Variants in GLDC observed in about 807,000 individuals in gnomAD.
GLDC encodes the protein glycine decarboxylase.
GLDC carries 104 observed loss-of-function variants against 121.3 expected under a neutral mutation model. The observed-to-expected ratio is 0.86, with a 90% CI of 0.73 to 1.01. GLDC has a LOEUF of 1.01. Among genes scored for constraint, GLDC ranks in the 50% least tolerant of loss-of-function variants. The pLI, the probability that GLDC is intolerant of heterozygous loss-of-function variation, is 0.00. For missense variants in GLDC, 1,429 were observed against 1,306.6 expected, an observed-to-expected ratio of 1.09 and a Z score of -1.44; for synonymous variants, 546 against 480.6, an observed-to-expected ratio of 1.14 and a Z score of -1.78.
At chr9:6,624,625 T>C (rs911629602) in intron 2 of GLDC, among the ~76,000 whole-genome samples, 4 of 152,116 alleles carry the variant, frequency 2.6e-5, no homozygotes, top group African/African-American at 9.7e-5. Context: ...GGAAACTAAT[T>C]AAAAAAACTG....
intron 2 of GLDC, among the ~76,000 whole-genome samples, chr9:6,628,821 A>G (rs1484086115): frequency 1.3e-5 from 2 of 152,190 alleles, no homozygotes; most frequent in Non-Finnish European, 2.9e-5. Flanking sequence ...GCAGCTGTGC[A>G]TTATTTTGCA....
chr9:6,620,435 T>C, intron 2 of GLDC, 116 bp from the exon 3 acceptor site: 2 of 903,790 alleles, frequency 2.2e-6, no homozygotes, highest in Non-Finnish European at 3.6e-6. Flanking sequence ...ATATGGAAAA[T>C]GTAAGAGTCA....
At chr9:6,644,537 G>T in intron 2 of GLDC, 77 bp downstream of exon 2, 1 of 974,858 alleles carries the variant, frequency 1.0e-6, no homozygotes, top group Non-Finnish European at 1.7e-6. Flanking sequence ...TTACCCCAGA[G>T]CTCGATTTTC....
chr9:6,574,422 A>T (rs568685880), intron 15 of GLDC, among the ~76,000 whole-genome samples: 173 of 151,566 alleles, frequency 1.1e-3, no homozygotes, highest in African/African-American at 3.8e-3. Context: ...AGCTGAGATT[A>T]TGCCACTGCA....
chr9:6,593,177 A>T, intron 9 of GLDC, 187 bp from the exon 10 acceptor site: 1 of 613,552 alleles, frequency 1.6e-6, no homozygotes, highest in Non-Finnish European at 2.9e-6. Flanking sequence ...TGAAATACAT[A>T]TAAAAGAGTA....
intron 15 of GLDC, among the ~76,000 whole-genome samples, chr9:6,568,202 C>T (rs1230692239): frequency 1.3e-5 from 2 of 152,204 alleles, no homozygotes; most frequent in East Asian, 3.8e-4. Flanking sequence ...CTCTCTCTCT[C>T]TCTCTCTCTG....
At chr9:6,576,721 C>T (rs1422772965) in intron 15 of GLDC, among the ~76,000 whole-genome samples, 1 of 152,194 alleles carries the variant, frequency 6.6e-6, no homozygotes, top group Non-Finnish European at 1.5e-5. Context: ...CCTGCCTCGG[C>T]CTCCCAAAGT....
chr9:6,552,758 A>T (rs1011517756), intron 20 of GLDC, among the ~76,000 whole-genome samples: 2 of 152,174 alleles, frequency 1.3e-5, no homozygotes, highest in African/African-American at 4.8e-5. Flanking sequence ...TGTGAACAAG[A>T]ACTGTAGAAA....
chr9:6,534,399 G>T (rs1323017497), intron 24 of GLDC, among the ~76,000 whole-genome samples: 1 of 152,016 alleles, frequency 6.6e-6, no homozygotes, highest in Non-Finnish European at 1.5e-5. Context: ...AATCAGAAAG[G>T]AAAGGAAGGT....
At chr9:6,546,365 C>CTT (rs34760385) in intron 21 of GLDC, among the ~76,000 whole-genome samples, 53 of 138,092 alleles carry the variant, frequency 3.8e-4, no homozygotes, top group South Asian at 1.2e-3. Context: ...TTAATTTTTT[C>CTT]TTTTTTTTTT....
intron 20 of GLDC, among the ~76,000 whole-genome samples, chr9:6,552,929 G>GCC (rs113523393): frequency 0.17 from 26,206 of 150,830 alleles, 2,403 homozygotes; most frequent in East Asian, 0.35. Context: ...TTCTCCTCTG[G>GCC]CCCCCCCCAA....
At position 6,556,041 on chromosome 9, in the gene GLDC, G is replaced by A. The variant is rs77765174; in HGVS notation, c.2202+112C>T. On this transcript the variant is annotated intron_variant, in intron 18 of 24. Coordinates refer to ENST00000321612, the MANE Select transcript of GLDC (RefSeq NM_000170.3). ...ATCAACAACCACCAGTGGTCAGGTC[G>A]TGGGTCTGAGTTCCCTCAGGCAGGA... The A allele has an allele frequency of 4.2e-3, 3,375 of 801,786 alleles. 65 individuals carry two copies. In the African/African-American group the frequency reaches 0.048, roughly 11 times the overall value. The allele number at this position is 801,786 out of a possible 1,614,324, so 49.7% of individuals were successfully genotyped here. A position where few individuals can be genotyped will look rare whatever the true frequency, so the allele number is the denominator to read the frequency against.
chr9:6,629,322 C>G (rs1388318086), intron 2 of GLDC, among the ~76,000 whole-genome samples: 1 of 151,116 alleles, frequency 6.6e-6, no homozygotes, highest in African/African-American at 2.4e-5. Context: ...TCAAGCGATT[C>G]TCCTGCCTCA....
intron 7 of GLDC, among the ~76,000 whole-genome samples, chr9:6,603,043 C>T (rs1194234682): frequency 6.6e-6 from 1 of 151,936 alleles, no homozygotes; most frequent in African/African-American, 2.4e-5. Context: ...GCCTGGCCAA[C>T]ATGGTGAAAC....
intron 2 of GLDC, among the ~76,000 whole-genome samples, chr9:6,628,002 A>G (rs1819281232): frequency 6.6e-6 from 1 of 152,250 alleles, no homozygotes; most frequent in Non-Finnish European, 1.5e-5. Flanking sequence ...AGAGAAAAGG[A>G]GAGAAGACAG....
At chr9:6,594,590 G>A (rs1563852175) in intron 9 of GLDC, among the ~76,000 whole-genome samples, 1 of 152,028 alleles carries the variant, frequency 6.6e-6, no homozygotes, top group East Asian at 1.9e-4. Context: ...AGTTACCTGA[G>A]AGGCTGAGGC....
intron 16 of GLDC, among the ~76,000 whole-genome samples, chr9:6,564,436 C>G (rs1276284753): frequency 1.3e-5 from 2 of 152,156 alleles, no homozygotes; most frequent in African/African-American, 4.8e-5. Context: ...CATAAGTAAC[C>G]TTCCAGTGGT....
At chr9:6,581,744 G>C (rs940657068) in intron 15 of GLDC, among the ~76,000 whole-genome samples, 12 of 152,164 alleles carry the variant, frequency 7.9e-5, no homozygotes. Context: ...TATCCAGGTT[G>C]ACCAAAAGCT....
chr9:6,533,883 C>T (rs956982198), intron 24 of GLDC, among the ~76,000 whole-genome samples: 1 of 150,128 alleles, frequency 6.7e-6, no homozygotes, highest in African/African-American at 2.5e-5. Flanking sequence ...GTTAATTTCT[C>T]ATACTGTGTA....
Sources: gnomAD v4.1 joint callset for allele counts (sites outside exome capture counted in the v4.1 genomes callset) on GRCh38, gnomAD v4.1.1 for gene constraint, MANE v1.5 for transcripts, NCBI Gene and HGNC (gene_info 2026-07-23, HGNC 2026-07-21) for gene names.